MEI4: variants seen among roughly 807,000 people sequenced by gnomAD.
MEI4 encodes the protein meiosis-specific protein MEI4.
Under a neutral mutation model 31.4 loss-of-function variants are expected in MEI4, and 27 were observed. The observed-to-expected ratio is 0.86, with a 90% CI of 0.63 to 1.19. The LOEUF (loss-of-function observed/expected upper bound fraction) is 1.19. Among genes scored for constraint, MEI4 ranks in the 50% most tolerant of loss-of-function variants. MEI4 has a pLI of 0.00. For synonymous variants in MEI4, 122 were observed against 145.4 expected (o/e 0.84, Z 1.16); for missense variants, 329 against 398.9 (o/e 0.82, Z 1.49).
At chr6:77,878,697 C>T (rs1035812509) in intron 4 of MEI4, among the ~76,000 whole-genome samples, 5 of 151,820 alleles carry the variant, frequency 3.3e-5, no homozygotes, top group Admixed American at 1.3e-4. Context: ...TAACACAAAC[C>T]GCTCAAGTGA....
chr6:77,746,080 C>T (rs979968466), intron 2 of MEI4, among the ~76,000 whole-genome samples: 4 of 152,002 alleles, frequency 2.6e-5, no homozygotes, highest in Non-Finnish European at 4.4e-5. Context: ...CAAGAGCAAA[C>T]GTATTCAAAA....
rs527995055 is a variant in MEI4, at chr6:77,766,367, G to A, written c.768+4702G>A. ...GTGATTTTTGCTTAGATCATTTCAG[G>A]CAGTTTATGGATAAATCTGAAGATG... is the stretch of plus-strand genomic sequence containing the variant. On this transcript the variant is annotated intron_variant, in intron 3 of 4. Transcript: ENST00000684080. 1.1e-4 allele frequency among the ~76,000 whole-genome samples: 16 copies of A among 152,170 alleles called. No homozygotes were observed. In the South Asian group the frequency reaches 3.3e-3, roughly 32 times the overall value.
At chr6:77,879,404 G>A (rs1234698742) in intron 4 of MEI4, among the ~76,000 whole-genome samples, 2 of 152,182 alleles carry the variant, frequency 1.3e-5, no homozygotes, top group East Asian at 1.9e-4. Flanking sequence ...CACTTAAAAT[G>A]CTAAACCACA....
chr6:77,867,775 T>C (rs1025024796), intron 4 of MEI4, among the ~76,000 whole-genome samples: 1 of 152,192 alleles, frequency 6.6e-6, no homozygotes, highest in East Asian at 1.9e-4. Flanking sequence ...CACGTGTGTT[T>C]ATTGTGGCAC....
intron 1 of MEI4, among the ~76,000 whole-genome samples, chr6:77,657,091 C>T (rs1004947792): frequency 6.6e-6 from 1 of 152,110 alleles, no homozygotes; most frequent in East Asian, 1.9e-4. Context: ...AAATAATAGA[C>T]AAATTCCCAG....
chr6:77,708,280 C>CT (rs1766375502), intron 2 of MEI4, among the ~76,000 whole-genome samples: 5 of 152,172 alleles, frequency 3.3e-5, no homozygotes. Context: ...TTTTTTGAAA[C>CT]TTTAAGATTT....
intron 4 of MEI4, among the ~76,000 whole-genome samples, chr6:77,885,378 G>T (rs965561811): frequency 2.6e-5 from 4 of 151,866 alleles, no homozygotes; most frequent in African/African-American, 9.7e-5. Context: ...TTTTTGTAGA[G>T]ATGAGGTTTT....
intron 2 of MEI4, among the ~76,000 whole-genome samples, chr6:77,731,507 C>A (rs1766990591): frequency 2.0e-5 from 3 of 151,138 alleles, no homozygotes; most frequent in African/African-American, 4.9e-5. Flanking sequence ...TATTTGAGTT[C>A]ATTGTAGATT....
At chr6:77,812,926 G>A (rs1280717584) in intron 3 of MEI4, among the ~76,000 whole-genome samples, 1 of 152,014 alleles carries the variant, frequency 6.6e-6, no homozygotes, top group Non-Finnish European at 1.5e-5. Flanking sequence ...ATAATTTTAG[G>A]GCCTGAAATG....
chr6:77,803,789 T>A (rs1169582629), intron 3 of MEI4, among the ~76,000 whole-genome samples: 2 of 152,104 alleles, frequency 1.3e-5, no homozygotes, highest in African/African-American at 4.8e-5. Context: ...GAACAGCGGA[T>A]ATTGGTGAAC....
intron 2 of MEI4, among the ~76,000 whole-genome samples, chr6:77,696,050 A>T (rs1413494860): frequency 2.0e-5 from 3 of 152,144 alleles, no homozygotes; most frequent in Non-Finnish European, 4.4e-5. Flanking sequence ...TTCACTCATG[A>T]TTCGGCTCTC....
intron 2 of MEI4, among the ~76,000 whole-genome samples, chr6:77,747,635 A>G (rs1312980857): frequency 6.6e-6 from 1 of 152,076 alleles, no homozygotes; most frequent in Admixed American, 6.6e-5. Context: ...TCAAGATGAG[A>G]TTTGGGTGGG....
At chr6:77,692,250 C>G (rs1355645041) in intron 2 of MEI4, among the ~76,000 whole-genome samples, 1 of 152,050 alleles carries the variant, frequency 6.6e-6, no homozygotes, top group East Asian at 1.9e-4. Context: ...CTTGACTCCT[C>G]TAGTGGACCC....
chr6:77,656,406 T>C (rs1171411564), intron 1 of MEI4, among the ~76,000 whole-genome samples: 3 of 152,180 alleles, frequency 2.0e-5, no homozygotes, highest in Admixed American at 1.3e-4. Context: ...TAACTGATTG[T>C]TTATGATCCA....
At position 77,771,565 on chromosome 6, in the gene MEI4, A is replaced by G. The variant is rs574730675; in HGVS notation, c.768+9900A>G. On this transcript the variant is annotated intron_variant, in intron 3 of 4. Transcript: ENST00000684080. ...ATGCCCATTAACAGTAAACTGGATA[A>G]GGAAAATATGGTACATATACACTGT... is the stretch of plus-strand genomic sequence containing the variant. Among the ~76,000 whole-genome samples, 14 of 152,302 alleles carry G rather than the reference A, an allele frequency of 9.2e-5. No homozygotes were observed. In the South Asian group the frequency reaches 2.9e-3, roughly 32 times the overall value.
upstream of MEI4, among the ~76,000 whole-genome samples, chr6:77,651,421 G>T (rs750978560): frequency 2.6e-5 from 4 of 152,182 alleles, no homozygotes; most frequent in African/African-American, 9.7e-5. Context: ...AGGAACCATA[G>T]ATAAGGCAAT....
intron 1 of MEI4, among the ~76,000 whole-genome samples, chr6:77,669,499 G>C (rs1768698783): frequency 6.6e-6 from 1 of 152,066 alleles, no homozygotes; most frequent in South Asian, 2.1e-4. Context: ...GACTTTTTAA[G>C]GGTTTATTAT....
intron 1 of MEI4, among the ~76,000 whole-genome samples, chr6:77,685,347 T>C (rs1769035654): frequency 6.6e-6 from 1 of 151,896 alleles, no homozygotes. Context: ...AGAAGCTTTT[T>C]AACTTGGTGT....
intron 1 of MEI4, among the ~76,000 whole-genome samples, chr6:77,668,752 CTAT>C (rs1469361229): frequency 2.0e-5 from 3 of 152,146 alleles, no homozygotes; most frequent in Admixed American, 6.5e-5. Context: ...CATACATACA[CTAT>C]TATATCATAA....
Sources: gnomAD v4.1 joint callset for allele counts (sites outside exome capture counted in the v4.1 genomes callset) on GRCh38, gnomAD v4.1.1 for gene constraint, MANE v1.5 for transcripts, NCBI Gene and HGNC (gene_info 2026-07-23, HGNC 2026-07-21) for gene names.